Variants in DOCK5 observed in about 807,000 individuals in gnomAD.
The protein encoded by DOCK5 is dedicator of cytokinesis 5.
Under a neutral mutation model 251.8 loss-of-function variants are expected in DOCK5, and 142 were observed. The observed-to-expected ratio is 0.56, with a 90% CI of 0.49 to 0.65. The LOEUF (loss-of-function observed/expected upper bound fraction) is 0.65. DOCK5 is among the 30% of genes least tolerant of loss of function. DOCK5 has a pLI of 0.00. For missense variants in DOCK5, 2,111 were observed against 2,312.3 expected, an observed-to-expected ratio of 0.91 and a Z score of 1.79; for synonymous variants, 842 against 835.5, an observed-to-expected ratio of 1.01 and a Z score of -0.13.
intron 42 of DOCK5, among the ~76,000 whole-genome samples, chr8:25,391,085 G>C (rs1801249998): frequency 1.3e-5 from 2 of 152,034 alleles, no homozygotes; most frequent in Admixed American, 1.3e-4. Context: ...CTGTCAACTA[G>C]GCTGGCATGC....
At chr8:25,228,818 G>T (rs1163135025) in intron 1 of DOCK5, among the ~76,000 whole-genome samples, 1 of 151,546 alleles carries the variant, frequency 6.6e-6, no homozygotes, top group African/African-American at 2.4e-5. Context: ...ATTTCATTTG[G>T]AATTTAATTT....
intron 22 of DOCK5, among the ~76,000 whole-genome samples, chr8:25,338,922 A>G (rs546684492): frequency 7.2e-5 from 11 of 152,362 alleles, no homozygotes; most frequent in Middle Eastern, 6.8e-3. Flanking sequence ...CAGATAGGAC[A>G]GTAAAGGATG....
intron 30 of DOCK5, among the ~76,000 whole-genome samples, chr8:25,365,180 T>TCA (rs1800754865): frequency 3.3e-5 from 5 of 152,242 alleles, no homozygotes; most frequent in African/African-American, 7.2e-5. Flanking sequence ...ATTCATTCAT[T>TCA]TACTTATCCA....
Position 25,277,836 on chromosome 8 carries a change from A to T in DOCK5, c.225-733A>T, listed in dbSNP as rs548323367. ...AAAAATCTTACTATACCAGAAATTC[A>T]AACTTAACTAGGTCTCCTATATTTT... On this transcript the variant is annotated intron_variant, in intron 4 of 51. Transcript: ENST00000276440. Among the ~76,000 whole-genome samples the T allele has an allele frequency of 4.5e-4, 69 of 152,318 alleles. 1 individual carries two copies. Among genetic ancestry groups the T allele is most frequent in the African/African-American group, 1.7e-3 (69 of 41,568 alleles).
intron 30 of DOCK5, 91 bp downstream of exon 30, chr8:25,364,795 T>C (rs1800747676): frequency 1.1e-6 from 1 of 915,864 alleles, no homozygotes; most frequent in South Asian, 1.6e-5. Context: ...CAGATTTCAC[T>C]GTTTTCACAT....
chr8:25,187,169 C>G (rs1167740094), intron 1 of DOCK5, among the ~76,000 whole-genome samples: 1 of 150,418 alleles, frequency 6.6e-6, no homozygotes, highest in African/African-American at 2.5e-5. Flanking sequence ...ACACTGCACT[C>G]CAGCCTGGGT....
At chr8:25,192,859 CT>C (rs551453532) in intron 1 of DOCK5, among the ~76,000 whole-genome samples, 70 of 152,050 alleles carry the variant, frequency 4.6e-4, no homozygotes, top group Non-Finnish European at 7.4e-4. Flanking sequence ...TGCTTGTTTT[CT>C]TTTTTAATTT....
chr8:25,260,909 C>T (rs989961463), intron 2 of DOCK5, among the ~76,000 whole-genome samples: 2 of 151,920 alleles, frequency 1.3e-5, no homozygotes, highest in Non-Finnish European at 2.9e-5. Context: ...GATCCTCTGA[C>T]CTTGGCTTCC....
intron 9 of DOCK5, among the ~76,000 whole-genome samples, chr8:25,301,454 A>C (rs982649661): frequency 6.6e-6 from 1 of 152,234 alleles, no homozygotes; most frequent in Non-Finnish European, 1.5e-5. Flanking sequence ...GCTTCAGTAA[A>C]GAGAGCTTGG....
intron 1 of DOCK5, among the ~76,000 whole-genome samples, chr8:25,216,068 C>A (rs1251114149): frequency 4.6e-5 from 7 of 150,974 alleles, no homozygotes; most frequent in Admixed American, 2.0e-4. Flanking sequence ...TACAATATGT[C>A]TATACGTGTA....
At chr8:25,358,749 A>C (rs558042241) in intron 27 of DOCK5, among the ~76,000 whole-genome samples, 15 of 152,294 alleles carry the variant, frequency 9.8e-5, no homozygotes, top group African/African-American at 3.6e-4. Flanking sequence ...GCTGTTAATG[A>C]GATTTCTTCA....
At chr8:25,344,422 TCTG>T (rs2117237366) in intron 25 of DOCK5, among the ~76,000 whole-genome samples, 1 of 152,264 alleles carries the variant, frequency 6.6e-6, no homozygotes, top group African/African-American at 2.4e-5. Context: ...TGCCTGGAGA[TCTG>T]AAGACCAGCA....
chr8:25,275,620 A>T (rs1426461825), intron 4 of DOCK5, among the ~76,000 whole-genome samples, 179 bp downstream of exon 4: 1 of 152,148 alleles, frequency 6.6e-6, no homozygotes, highest in Non-Finnish European at 1.5e-5. Flanking sequence ...AGATCATTTG[A>T]GGTCAGGAGT....
At chr8:25,185,937 A>G (rs1458927280) in intron 1 of DOCK5, among the ~76,000 whole-genome samples, 1 of 152,232 alleles carries the variant, frequency 6.6e-6, no homozygotes, top group Admixed American at 6.5e-5. Context: ...GTGATTCCCT[A>G]CAATAAACAC....
intron 26 of DOCK5, among the ~76,000 whole-genome samples, chr8:25,346,818 C>T (rs1800376960): frequency 7.1e-6 from 1 of 139,936 alleles, no homozygotes; most frequent in African/African-American, 2.9e-5. Flanking sequence ...ATTGAGACTC[C>T]AACTCCAAAA....
chr8:25,278,261 CTT>C (rs1266024987), intron 4 of DOCK5, among the ~76,000 whole-genome samples: 1 of 152,148 alleles, frequency 6.6e-6, no homozygotes, highest in Non-Finnish European at 1.5e-5. Context: ...TTGCTTCCAT[CTT>C]TGAGAATCAC....
chr8:25,333,908 A>G (rs1346282412), intron 20 of DOCK5, among the ~76,000 whole-genome samples, 188 bp from the exon 21 acceptor site: 3 of 152,118 alleles, frequency 2.0e-5, no homozygotes, highest in Admixed American at 6.5e-5. Context: ...CTGACACATA[A>G]TAGTCTCTCT....
intron 2 of DOCK5, among the ~76,000 whole-genome samples, chr8:25,257,749 A>C (rs989750166): frequency 3.9e-5 from 6 of 152,128 alleles, no homozygotes; most frequent in African/African-American, 1.4e-4. Context: ...TCTTTATAAA[A>C]AGTGGGCCTC....
chr8:25,376,800 T>G (rs1800970526), intron 37 of DOCK5: 3 of 152,390 alleles, frequency 2.0e-5, no homozygotes, highest in Admixed American at 2.0e-4. Context: ...TTTTGTTTGG[T>G]TCCATTCTTC....
Sources: gnomAD v4.1 joint callset for allele counts (sites outside exome capture counted in the v4.1 genomes callset) on GRCh38, gnomAD v4.1.1 for gene constraint, MANE v1.5 for transcripts, NCBI Gene and HGNC (gene_info 2026-07-23, HGNC 2026-07-21) for gene names.